The following MYO18B variants were observed in gnomAD, a reference collection of about 807,000 sequenced individuals.
MYO18B encodes unconventional myosin-XVIIIb.
In MYO18B, 204 loss-of-function variants were observed where a neutral mutation model predicts 273.0. The observed-to-expected ratio is 0.75, with a 90% CI of 0.67 to 0.84. MYO18B has a LOEUF of 0.84. Among genes scored for constraint, MYO18B ranks in the 40% least tolerant of loss-of-function variants. MYO18B has a pLI of 0.00. For missense variants in MYO18B, 3,212 were observed against 3,287.6 expected (o/e 0.98, Z 0.56); for synonymous variants, 1,330 against 1,305.7 (o/e 1.02, Z -0.40).
chr22:26,060,937 A>AT, the MYO18B span, among the ~76,000 whole-genome samples: 7 of 152,272 alleles, frequency 4.6e-5, no homozygotes, highest in South Asian at 1.4e-3. Context: ...ACATTCACAC[A>AT]TACACATGCA....
At position 25,891,332 on chromosome 22, in the gene MYO18B, T is replaced by C. The variant is rs1159008715; in HGVS notation, c.4463T>C (p.Leu1488Pro). Residue 1488 changes from leucine (L) to proline (P), a missense_variant, in exon 27 of 44, where the codon CTG (leucine) becomes CCG (proline). By Grantham distance (98) the Leu-to-Pro change is moderately conservative. Transcript: ENST00000335473. ...AAGCATGAACAAGTCCAGAAAAAAC[T>C]GGGAGATGTGAATAAACAGTTGGAA... ...KSKHEQVQKKLGDVNKQLEEA... is the reference protein window; with the variant it reads ...KSKHEQVQKKPGDVNKQLEEA... The C allele has an allele frequency of 5.7e-6, 9 of 1,579,442 alleles. No homozygotes were observed. Among genetic ancestry groups the C allele is most frequent in the Non-Finnish European group, 7.7e-6 (9 of 1,162,270 alleles).
intron 34 of MYO18B, among the ~76,000 whole-genome samples, chr22:25,941,820 C>T (rs1373179240): frequency 1.3e-5 from 2 of 152,170 alleles, no homozygotes; most frequent in African/African-American, 2.4e-5. Context: ...ACTTGTGTGC[C>T]TCTGGGACAC....
In MYO18B at chr22:26,027,213, C is replaced by G; in HGVS notation, c.7239C>G (p.His2413Gln). 3.1e-6 allele frequency: 5 copies of G among 1,613,976 alleles called. No individual in the cohort carries two copies. Among genetic ancestry groups the G allele is most frequent in the Non-Finnish European group, 4.2e-6 (5 of 1,179,892 alleles). Reference sequence around the variant, plus strand: ...TTTTCCAGAACCGCCAGTTTGCCCACCTGATGGAGGAACCTCTAGGCAGTG... The same window carrying G: ...TTTTCCAGAACCGCCAGTTTGCCCAGCTGATGGAGGAACCTCTAGGCAGTG... ...PLVFQNRQFA[H>Q]LMEEPLGSDP... The change falls in exon 43 of 44, where the codon CAC (histidine) becomes CAG (glutamine). Residue 2413 changes from histidine to glutamine, a missense_variant. His to Gln is a conservative substitution (Grantham distance 24, BLOSUM62 0). Coordinates refer to ENST00000335473, the MANE Select transcript of MYO18B (RefSeq NM_032608.7). This position sits in a 1 kb window ranked among gnomAD's most constrained non-coding sequence, Gnocchi z 4.1.
At chr22:25,907,738 G>A (rs1332215045) in intron 31 of MYO18B, among the ~76,000 whole-genome samples, 1 of 152,150 alleles carries the variant, frequency 6.6e-6, no homozygotes, top group Non-Finnish European at 1.5e-5. Flanking sequence ...TTCATCTTAA[G>A]AGTGTTGAGA....
chr22:25,881,421 G>A (rs977429197), intron 25 of MYO18B, among the ~76,000 whole-genome samples: 7 of 152,238 alleles, frequency 4.6e-5, no homozygotes, highest in Non-Finnish European at 8.8e-5. Flanking sequence ...CATGTCTTGC[G>A]AGAGCAAGCT....
chr22:25,968,438 A>G (rs2093002207), intron 39 of MYO18B, among the ~76,000 whole-genome samples: 1 of 152,180 alleles, frequency 6.6e-6, no homozygotes, highest in South Asian at 2.1e-4. Flanking sequence ...TGGAAGCCAC[A>G]TCTGTGGGCC....
At chr22:25,843,389 G>A (rs1480113300) in intron 17 of MYO18B, among the ~76,000 whole-genome samples, 4 of 152,140 alleles carry the variant, frequency 2.6e-5, no homozygotes, top group African/African-American at 7.2e-5. Context: ...TAAAATGAAT[G>A]TACTGTACTT....
downstream of MYO18B, among the ~76,000 whole-genome samples, chr22:26,034,712 G>T (rs554805884): frequency 6.6e-6 from 1 of 152,148 alleles, no homozygotes; most frequent in East Asian, 1.9e-4. Flanking sequence ...TATACCCTGA[G>T]GCCATTTTTA....
rs146960208 is a variant in MYO18B, at chr22:25,868,225, G to A, written c.3886-95G>A. ...TCACAGACATGTGGGGTCATCCTCC[G>A]TCCTGGCGCATCAGCCATCGAGCCA... On this transcript the variant is annotated intron_variant, in intron 21 of 43. Transcript: ENST00000335473. 610 of 1,041,242 alleles carry A rather than the reference G, an allele frequency of 5.9e-4. 10 individuals carry two copies. The East Asian group carries it at 0.015, about 25-fold the overall frequency. 64.5% of individuals were successfully genotyped at this position (1,041,242 alleles called of 1,614,324 possible).
At chr22:25,793,872 A>G (rs998231963) in intron 11 of MYO18B, among the ~76,000 whole-genome samples, 6 of 152,358 alleles carry the variant, frequency 3.9e-5, no homozygotes, top group African/African-American at 1.2e-4. Flanking sequence ...ATAAAAGTGT[A>G]TAACGTATAC....
At chr22:25,800,005 G>A (rs1234764422) in intron 12 of MYO18B, among the ~76,000 whole-genome samples, 1 of 152,096 alleles carries the variant, frequency 6.6e-6, no homozygotes, top group Admixed American at 6.6e-5. Context: ...ATACTACTCA[G>A]CCATAAAGAT....
At chr22:25,742,855 C>G (rs200298206) in intron 1 of MYO18B, among the ~76,000 whole-genome samples, 1 of 152,220 alleles carries the variant, frequency 6.6e-6, no homozygotes, top group Non-Finnish European at 1.5e-5. Flanking sequence ...TTTCATGCCA[C>G]CTTCCTTGAG....
intron 39 of MYO18B, among the ~76,000 whole-genome samples, chr22:25,970,503 A>C (rs910844921): frequency 6.6e-6 from 1 of 152,122 alleles, no homozygotes. Flanking sequence ...GCTGCATTCC[A>C]GGTAAATGAC....
chr22:26,054,246 C>T, the MYO18B span, among the ~76,000 whole-genome samples: 3 of 152,180 alleles, frequency 2.0e-5, no homozygotes, highest in African/African-American at 7.2e-5. Context: ...TGCATTTTTA[C>T]CTCCTTCTTA....
intron 39 of MYO18B, chr22:25,959,467 G>A (rs2092893692): frequency 1.3e-5 from 2 of 151,756 alleles, no homozygotes; most frequent in African/African-American, 2.4e-5. Flanking sequence ...ATAGAAGTGG[G>A]GTCTCACTAC....
chr22:25,808,638 C>T (rs1290243645), intron 12 of MYO18B, among the ~76,000 whole-genome samples: 2 of 152,160 alleles, frequency 1.3e-5, no homozygotes, highest in African/African-American at 2.4e-5. Flanking sequence ...GGTTGTCCCT[C>T]TAAGCAGAAT....
At chr22:25,865,855 TG>T (rs1210376065) in intron 21 of MYO18B, among the ~76,000 whole-genome samples, 1 of 152,206 alleles carries the variant, frequency 6.6e-6, no homozygotes, top group African/African-American at 2.4e-5. Flanking sequence ...AATTTTTTAT[TG>T]TTTTTTTTTC....
intron 42 of MYO18B, among the ~76,000 whole-genome samples, chr22:26,020,518 T>C (rs183460987): frequency 3.3e-5 from 5 of 152,272 alleles, no homozygotes; most frequent in Admixed American, 3.3e-4. Context: ...ATGAAAGAGG[T>C]CATTAAAAGC....
chr22:25,832,917 G>C lies in MYO18B; in HGVS notation c.2980G>C (p.Glu994Gln). The change falls in exon 16 of 44, where the codon GAA becomes CAA. Residue 994 changes from glutamate to glutamine, a missense_variant and splice_region_variant. Transcript: ENST00000335473. Reference sequence around the variant, plus strand: ...ACTTTTAAATCCTGTTATTTTCCAGGAAGGTGTTCCTGTGCAGTTTGACCT... The same window carrying C: ...ACTTTTAAATCCTGTTATTTTCCAGCAAGGTGTTCCTGTGCAGTTTGACCT... ...FVSTLQRYQE[E>Q]GVPVQFDLPD... 1.2e-6 allele frequency: 2 copies of C among 1,613,274 alleles called. No homozygotes were observed. The highest frequency in any genetic ancestry group is 1.7e-6 in the Non-Finnish European group (2 of 1,179,482).
Sources: allele counts gnomAD v4.1 joint callset (sites outside exome capture counted in the v4.1 genomes callset), GRCh38; gene constraint gnomAD v4.1.1; non-coding constraint Gnocchi (gnomAD v3.1); transcripts MANE v1.5; gene names NCBI Gene and HGNC (gene_info 2026-07-23, HGNC 2026-07-21).